Variants in ACACA observed in about 807,000 individuals in gnomAD.
The protein encoded by ACACA is acetyl-CoA carboxylase alpha.
In ACACA, 103 loss-of-function variants were observed where a neutral mutation model predicts 296.1. The ratio of observed to expected loss-of-function variants is 0.35; its 90% CI spans 0.30 to 0.41. The LOEUF (loss-of-function observed/expected upper bound fraction) is 0.41, where lower values mean the gene tolerates loss of function less well. Ranked by LOEUF, ACACA falls within the 10% of genes least tolerant of loss-of-function variation. The pLI, the probability that ACACA is intolerant of heterozygous loss-of-function variation, is 1.00. For synonymous variants in ACACA, 953 were observed against 1,038.6 expected (o/e 0.92, Z 1.58); for missense variants, 1,554 against 2,989.7 (o/e 0.52, Z 11.20).
At chr17:37,355,105 T>C (rs751963413) in intron 1 of ACACA, among the ~76,000 whole-genome samples, 2 of 151,748 alleles carry the variant, frequency 1.3e-5, no homozygotes, top group Non-Finnish European at 1.5e-5. Flanking sequence ...TAGCCAGGCA[T>C]GGTGGCATGC....
At chr17:37,193,526 T>C (rs1567793612) in intron 35 of ACACA, 111 bp from the exon 36 acceptor site, 1 of 818,966 alleles carries the variant, frequency 1.2e-6, no homozygotes, top group Non-Finnish European at 2.1e-6. Context: ...TAGAAAAACA[T>C]GCTTCTTACC....
chr17:37,136,876 G>A (rs895677071), intron 45 of ACACA, among the ~76,000 whole-genome samples: 2 of 151,770 alleles, frequency 1.3e-5, no homozygotes, highest in African/African-American at 2.4e-5. Flanking sequence ...CCGGGAGGTG[G>A]AGGTTGCAGT....
intron 52 of ACACA, among the ~76,000 whole-genome samples, chr17:37,104,854 T>G (rs1384918047): frequency 1.3e-5 from 2 of 149,444 alleles, no homozygotes; most frequent in African/African-American, 5.0e-5. Flanking sequence ...GTGGGAGAAT[T>G]GCTTGAGCCT....
chr17:37,361,174 G>C (rs1470824725), intron 1 of ACACA, among the ~76,000 whole-genome samples: 2 of 151,966 alleles, frequency 1.3e-5, no homozygotes, highest in Non-Finnish European at 2.9e-5. Context: ...GAATAGCTGG[G>C]ACTCCAGGCA....
chr17:37,379,231 C>T (rs763400936), intron 1 of ACACA: 38 of 1,613,848 alleles, frequency 2.4e-5, no homozygotes, highest in Non-Finnish European at 3.1e-5. Flanking sequence ...TAAAAGTCAA[C>T]CTTGTATATT....
intron 48 of ACACA, among the ~76,000 whole-genome samples, chr17:37,124,724 CT>C (rs2143143429): frequency 6.6e-6 from 1 of 152,312 alleles, no homozygotes; most frequent in African/African-American, 2.4e-5. Flanking sequence ...TCAGTCTGAG[CT>C]GACTCCAGGC....
intron 29 of ACACA, among the ~76,000 whole-genome samples, chr17:37,214,988 A>T (rs144475411): frequency 6.6e-6 from 1 of 152,304 alleles, no homozygotes; most frequent in East Asian, 1.9e-4. Context: ...GTCACATGGA[A>T]GGCTCCTGAT....
At chr17:37,143,959 A>C in intron 45 of ACACA, 1 of 988,870 alleles carries the variant, frequency 1.0e-6, no homozygotes, top group Non-Finnish European at 1.6e-6. Context: ...TTCTCCTTTG[A>C]TTTTTGGGCG....
chr17:37,166,147 T>C (rs1325768641), intron 41 of ACACA, among the ~76,000 whole-genome samples: 2 of 152,100 alleles, frequency 1.3e-5, no homozygotes, highest in African/African-American at 2.4e-5. Flanking sequence ...TTAATTTTTT[T>C]TTTTAAGACA....
chr17:37,223,413 T>G (rs969152948), intron 28 of ACACA, 99 bp downstream of exon 28: 7 of 975,906 alleles, frequency 7.2e-6, no homozygotes, highest in Non-Finnish European at 1.2e-5. Context: ...GAACCAACCT[T>G]AAGGCCAGAG....
At chr17:37,093,198 T>C (rs539151367) in intron 54 of ACACA, among the ~76,000 whole-genome samples, 1 of 152,332 alleles carries the variant, frequency 6.6e-6, no homozygotes, top group South Asian at 2.1e-4. Context: ...CTTTTTCCTA[T>C]GGTCCTCACA....
In ACACA at chr17:37,371,020, T is replaced by C. The variant is rs1334384577; in HGVS notation, c.39-31170A>G. ...AATACATAGAGTTTGATTCCATTTA[T>C]ATAACATTCAAAAGTAAACAAAATA... On this transcript the variant is annotated intron_variant, in intron 1 of 55. Transcript: ENST00000616317. Among the ~76,000 whole-genome samples the C allele has an allele frequency of 3.3e-5, 5 of 151,998 alleles. No homozygotes were observed. In the South Asian group the frequency reaches 6.2e-4, roughly 19 times the overall value.
intron 45 of ACACA, among the ~76,000 whole-genome samples, chr17:37,140,251 G>T (rs2143783980): frequency 6.6e-6 from 1 of 152,112 alleles, no homozygotes; most frequent in East Asian, 1.9e-4. Context: ...AACATATAGT[G>T]TTTACTTTTC....
intron 10 of ACACA, among the ~76,000 whole-genome samples, chr17:37,268,322 T>C (rs982464987): frequency 5.3e-5 from 8 of 152,214 alleles, no homozygotes; most frequent in African/African-American, 1.9e-4. Flanking sequence ...ATTTGCTTCC[T>C]GCAGGTGTCT....
intron 25 of ACACA, among the ~76,000 whole-genome samples, chr17:37,232,895 C>G (rs149020997): frequency 7.9e-5 from 12 of 152,130 alleles, no homozygotes; most frequent in African/African-American, 2.7e-4. Context: ...CTCTTCCCAT[C>G]CCCCTTGTCC....
intron 1 of ACACA, among the ~76,000 whole-genome samples, chr17:37,341,659 T>C (rs1273110182): frequency 1.4e-5 from 2 of 146,402 alleles, no homozygotes; most frequent in Admixed American, 1.4e-4. Context: ...CACTGCACTG[T>C]AGCCTGGGCA....
At chr17:37,369,740 T>G (rs868350827) in intron 1 of ACACA, among the ~76,000 whole-genome samples, 97 of 152,234 alleles carry the variant, frequency 6.4e-4, no homozygotes, top group African/African-American at 2.2e-3. Flanking sequence ...AGTCTTGCTC[T>G]GTAACTGCAG....
At chr17:37,371,856 C>T (rs1030134117) in intron 1 of ACACA, among the ~76,000 whole-genome samples, 23 of 151,656 alleles carry the variant, frequency 1.5e-4, no homozygotes, top group Non-Finnish European at 2.9e-4. Flanking sequence ...GCTGAGATCA[C>T]GCCACCGTAC....
At chr17:37,349,533 G>A (rs184644680) in intron 1 of ACACA, among the ~76,000 whole-genome samples, 18 of 145,856 alleles carry the variant, frequency 1.2e-4, no homozygotes, top group African/African-American at 2.8e-4. Flanking sequence ...GTGTGTGTGC[G>A]CGCGTGTGTG....
Sources: gnomAD v4.1 joint callset for allele counts (sites outside exome capture counted in the v4.1 genomes callset) on GRCh38, gnomAD v4.1.1 for gene constraint, MANE v1.5 for transcripts, NCBI Gene and HGNC (gene_info 2026-07-23, HGNC 2026-07-21) for gene names.